The following NMD3 variants were observed in gnomAD, a reference collection of about 807,000 sequenced individuals.
NMD3 encodes the protein 60S ribosomal export protein NMD3.
A neutral mutation model predicts 73.1 loss-of-function variants in NMD3; 47 were observed. That is an observed-to-expected ratio of 0.64 (90% CI 0.51 to 0.82). The LOEUF (loss-of-function observed/expected upper bound fraction) is 0.82, where lower values mean the gene tolerates loss of function less well. Among genes scored for constraint, NMD3 ranks in the 40% least tolerant of loss-of-function variants. NMD3 has a pLI of 0.00. For synonymous variants in NMD3, 210 were observed against 194.5 expected, an observed-to-expected ratio of 1.08 and a Z score of -0.66; for missense variants, 554 against 612.5, an observed-to-expected ratio of 0.90 and a Z score of 1.01.
intron 13 of NMD3, 44 bp from the exon 14 acceptor site, chr3:161,249,410 T>C (rs1737384862): frequency 7.6e-7 from 1 of 1,314,468 alleles, no homozygotes; most frequent in East Asian, 2.4e-5. Context: ...GGCCTCACTG[T>C]ATAGTTCCCA....
intron 8 of NMD3, 63 bp downstream of exon 8, chr3:161,238,254 T>A: frequency 1.0e-6 from 1 of 983,332 alleles, no homozygotes; most frequent in Non-Finnish European, 1.6e-6. Flanking sequence ...GGATCACATA[T>A]ATTCTTCAGG....
chr3:161,235,308 C>T, intron 7 of NMD3, 96 bp downstream of exon 7: 1 of 531,272 alleles, frequency 1.9e-6, no homozygotes, highest in Non-Finnish European at 3.3e-6. Context: ...TGGATTAGTA[C>T]TGTCCAAAAG....
intron 15 of NMD3, among the ~76,000 whole-genome samples, chr3:161,250,569 A>G (rs768199524): frequency 1.3e-5 from 2 of 152,142 alleles, no homozygotes; most frequent in African/African-American, 2.4e-5. Flanking sequence ...GCTCACTCCT[A>G]TAGTGGTGGA....
Position 161,242,569 on chromosome 3 carries a change from A to G in NMD3, c.933A>G (p.Lys311=). The G allele has an allele frequency of 1.2e-6, 2 of 1,613,704 alleles. No homozygotes were observed. Residue 311 remains lysine, a synonymous_variant, in exon 11 of 16, where the codon AAA becomes AAG. Transcript: ENST00000351193. Reference sequence around the variant, plus strand: ...CTTTCAATAGTTTATGTCATCCCAAACAGCTAGAGGAGTTTATTGTGATGG... The same window carrying G: ...CTTTCAATAGTTTATGTCATCCCAAGCAGCTAGAGGAGTTTATTGTGATGG... The part of the protein sequence containing the change: ...SHPFNSLCHP[K]QLEEFIVMEC...
chr3:161,227,010 A>T (rs1334566577), intron 3 of NMD3, among the ~76,000 whole-genome samples: 2 of 152,202 alleles, frequency 1.3e-5, no homozygotes, highest in Non-Finnish European at 2.9e-5. Flanking sequence ...TAATAAGATC[A>T]CTTTAGTAGG....
chr3:161,230,547 G>C (rs1330356272), intron 4 of NMD3, among the ~76,000 whole-genome samples: 1 of 152,120 alleles, frequency 6.6e-6, no homozygotes, highest in Admixed American at 6.6e-5. Flanking sequence ...TAATTGGCTG[G>C]GGGGTGGCCT....
At chr3:161,232,526 A>G (rs4273380) in intron 4 of NMD3, among the ~76,000 whole-genome samples, 98,421 of 152,022 alleles carry the variant, frequency 0.65, 33,971 homozygotes, top group East Asian at 0.97. Flanking sequence ...CATTATATCC[A>G]TTGTTTATTT....
At chr3:161,234,594 G>T in intron 5 of NMD3, 133 bp from the exon 6 acceptor site, 1 of 605,910 alleles carries the variant, frequency 1.7e-6, no homozygotes, top group Non-Finnish European at 2.8e-6. Context: ...CTTTAAATTT[G>T]AGGACATTTG....
At chr3:161,224,782 G>T in intron 2 of NMD3, 148 bp from the exon 3 acceptor site, 1 of 695,472 alleles carries the variant, frequency 1.4e-6, no homozygotes. Flanking sequence ...CCACTGGCTG[G>T]CCCAGGTTGC....
Position 161,247,325 on chromosome 3 carries a change from G to T in NMD3, c.1198G>T (p.Asp400Tyr). 2 of 1,600,996 alleles carry T rather than the reference G, an allele frequency of 1.2e-6. No homozygotes were observed. Among genetic ancestry groups the T allele is most frequent in the East Asian group, 2.2e-5 (1 of 44,718 alleles). The stretch of plus-strand genomic sequence containing the variant: ...CAAAATGAACTCAGATAGAGTTCCA[G>T]ATGTGGTAAGGCTTTAGATTTTTCC... ...VNKMNSDRVPDVVLIKKSYDR... is the reference protein window; with the variant it reads ...VNKMNSDRVPYVVLIKKSYDR... Residue 400 changes from aspartate to tyrosine, a missense_variant, in exon 13 of 16, where the codon GAT (aspartate) becomes TAT (tyrosine). Asp to Tyr is a radical substitution (Grantham distance 160). Transcript: ENST00000351193.
intron 7 of NMD3, among the ~76,000 whole-genome samples, chr3:161,235,940 T>G: frequency 6.6e-6 from 1 of 152,232 alleles, no homozygotes; most frequent in African/African-American, 2.4e-5. Context: ...ATTATGTTAG[T>G]TTTTTCAAAA....
chr3:161,246,007 A>G (rs1208423683), intron 11 of NMD3, among the ~76,000 whole-genome samples: 1 of 152,056 alleles, frequency 6.6e-6, no homozygotes, highest in African/African-American at 2.4e-5. Flanking sequence ...CACTCTGCCT[A>G]TGTTGGCCCA....
chr3:161,240,609 C>A (rs562968220), intron 9 of NMD3, among the ~76,000 whole-genome samples: 44 of 145,486 alleles, frequency 3.0e-4, no homozygotes, highest in Admixed American at 1.1e-3. Context: ...ACTGAAGCCT[C>A]GACCTCCTGG....
Position 161,249,436 on chromosome 3 carries a change from C to T in NMD3, c.1204-18C>T, listed in dbSNP as rs990647182. 5.9e-6 allele frequency: 9 copies of T among 1,531,136 alleles called. No homozygotes were observed. Among genetic ancestry groups the T allele is most frequent in the Non-Finnish European group, 8.0e-6 (9 of 1,118,378 alleles). 94.8% of individuals were successfully genotyped at this position (1,531,136 alleles called of 1,614,324 possible). A position where few individuals can be genotyped will look rare whatever the true frequency, so the allele number is the denominator to read the frequency against. On this transcript the variant is annotated intron_variant, in intron 13 of 15. Transcript: ENST00000351193. The stretch of plus-strand genomic sequence containing the variant: ...ATAGTTCCCATTCTTTGTAACTTTA[C>T]AAATATTTATCTTGCAGGTATTAAT...
rs944554094 is a variant in NMD3 at position 161,252,012 on chromosome 3, G to C, written c.*1102G>C. On this transcript the variant is annotated 3_prime_UTR_variant, in exon 16 of 16. Transcript: ENST00000351193. ...ATAAAGAGATTGAGCAAGTGCCACT[G>C]TGTGGAACATTTTTCTTTTTTTTAA... 6.6e-6 allele frequency: 1 copy of C among 152,142 alleles called. No homozygotes were observed. The highest frequency in any genetic ancestry group is 1.5e-5 in the Non-Finnish European group (1 of 68,008). 9.4% of individuals were successfully genotyped at this position (152,142 alleles called of 1,614,324 possible).
intron 13 of NMD3, among the ~76,000 whole-genome samples, chr3:161,248,683 CTA>C (rs1165229902): frequency 1.3e-5 from 2 of 152,060 alleles, no homozygotes; most frequent in African/African-American, 2.4e-5. Flanking sequence ...TGGAAAAAAA[CTA>C]TTAATTCTGA....
At chr3:161,232,817 C>T (rs4132373) in intron 4 of NMD3, among the ~76,000 whole-genome samples, 11,739 of 151,960 alleles carry the variant, frequency 0.077, 721 homozygotes, top group South Asian at 0.18. Context: ...CTCCCACCCA[C>T]CCCTTCTCCC....
At chr3:161,234,175 A>G (rs1736651465) in intron 5 of NMD3, among the ~76,000 whole-genome samples, 1 of 151,872 alleles carries the variant, frequency 6.6e-6, no homozygotes, top group Non-Finnish European at 1.5e-5. Context: ...CTATGTAAAC[A>G]TGTATAGGCT....
chr3:161,245,417 C>T (rs1184638620), intron 11 of NMD3, among the ~76,000 whole-genome samples: 4 of 151,790 alleles, frequency 2.6e-5, no homozygotes, highest in African/African-American at 9.7e-5. Flanking sequence ...AGTCTAATAG[C>T]TAGAAAGTAA....
Sources: gnomAD v4.1 joint callset for allele counts (sites outside exome capture counted in the v4.1 genomes callset) on GRCh38, gnomAD v4.1.1 for gene constraint, MANE v1.5 for transcripts, NCBI Gene and HGNC (gene_info 2026-07-23, HGNC 2026-07-21) for gene names.